Variants in TMEM17 observed in about 807,000 individuals in gnomAD.
TMEM17 encodes transmembrane protein 17.
Under a neutral mutation model 19.1 loss-of-function variants are expected in TMEM17, and 15 were observed. The ratio of observed to expected loss-of-function variants is 0.78; its 90% CI spans 0.52 to 1.21. TMEM17 has a LOEUF of 1.21. TMEM17 is among the 50% of genes most tolerant of loss of function. The pLI is 0.00. For missense variants in TMEM17, 245 were observed against 242.3 expected, an observed-to-expected ratio of 1.01 and a Z score of -0.07; for synonymous variants, 103 against 86.9, an observed-to-expected ratio of 1.19 and a Z score of -1.03.
the TMEM17 span, among the ~76,000 whole-genome samples, chr2:62,480,252 T>C: frequency 6.6e-6 from 1 of 152,170 alleles, no homozygotes; most frequent in Non-Finnish European, 1.5e-5. Context: ...TGCCCATTTT[T>C]TAATGAAAAA....
chr2:62,497,315 C>T (rs143213951), downstream of TMEM17, among the ~76,000 whole-genome samples: 54 of 152,276 alleles, frequency 3.5e-4, no homozygotes, highest in East Asian at 5.2e-3. Context: ...ACTGTTTAAA[C>T]GGTTCAGGGA....
the TMEM17 span, among the ~76,000 whole-genome samples, chr2:62,464,816 T>C: frequency 3.3e-5 from 5 of 151,648 alleles, no homozygotes; most frequent in African/African-American, 4.9e-5. Context: ...TCATAGGGAG[T>C]TGAAGCTATC....
chr2:62,454,576 G>A, the TMEM17 span, among the ~76,000 whole-genome samples: 1 of 152,154 alleles, frequency 6.6e-6, no homozygotes, highest in Non-Finnish European at 1.5e-5. Context: ...TCATACTGTA[G>A]GTTTTGAAAT....
In TMEM17 at chr2:62,502,768, G is replaced by C. The variant is rs778009254; in HGVS notation, c.127C>G (p.Leu43Val). ...GTATTAAAATAAAGTGACATCTGCA[G>C]TGCCAAACTGGAGACCATTTCATTT... ...PENEMVSSLA[L>V]QMSLYFNTYY... The change falls in exon 2 of 4, where the codon CTG becomes GTG. Residue 43 changes from leucine to valine, a missense_variant. Physicochemically the swap from Leu to Val is conservative, Grantham distance 32 (BLOSUM62 1). Coordinates refer to ENST00000335390, the MANE Select transcript of TMEM17 (RefSeq NM_198276.3). 2 of 1,607,190 alleles carry C rather than the reference G, an allele frequency of 1.2e-6. No homozygotes were observed. The highest frequency in any genetic ancestry group is 1.7e-6 in the Non-Finnish European group (2 of 1,177,988).
the TMEM17 span, among the ~76,000 whole-genome samples, chr2:62,466,737 G>C: frequency 6.6e-6 from 1 of 152,146 alleles, no homozygotes. Context: ...CGCTGACCCC[G>C]CCCATCATCT....
At chr2:62,477,710 G>C in the TMEM17 span, among the ~76,000 whole-genome samples, 1 of 152,224 alleles carries the variant, frequency 6.6e-6, no homozygotes, top group East Asian at 1.9e-4. Flanking sequence ...AGAGGTATCT[G>C]ATCTATTATC....
chr2:62,453,878 C>T, the TMEM17 span, among the ~76,000 whole-genome samples: 5 of 152,216 alleles, frequency 3.3e-5, no homozygotes, highest in Non-Finnish European at 7.3e-5. Flanking sequence ...AGATACTTGC[C>T]TGTGCTTGCA....
the TMEM17 span, among the ~76,000 whole-genome samples, chr2:62,473,556 G>T: frequency 1.3e-5 from 2 of 152,158 alleles, no homozygotes; most frequent in South Asian, 4.1e-4. Flanking sequence ...CCCACTCCCT[G>T]CTTCAGCTGC....
the TMEM17 span, among the ~76,000 whole-genome samples, chr2:62,458,998 C>T: frequency 4.6e-5 from 7 of 152,202 alleles, no homozygotes; most frequent in East Asian, 3.8e-4. Context: ...CATTTGTGTA[C>T]GACTTCATAT....
At chr2:62,456,728 A>G in the TMEM17 span, among the ~76,000 whole-genome samples, 2 of 152,206 alleles carry the variant, frequency 1.3e-5, no homozygotes, top group Non-Finnish European at 2.9e-5. Flanking sequence ...CATCAGGCTG[A>G]AGGAAGTCTT....
At chr2:62,465,079 TC>T in the TMEM17 span, among the ~76,000 whole-genome samples, 325 of 152,264 alleles carry the variant, frequency 2.1e-3, 2 homozygotes, top group Non-Finnish European at 3.6e-3. Context: ...GGCAGTCTAG[TC>T]CCCAGGCAGG....
chr2:62,494,942 G>C, the TMEM17 span, among the ~76,000 whole-genome samples: 1 of 152,304 alleles, frequency 6.6e-6, no homozygotes, highest in Non-Finnish European at 1.5e-5. Flanking sequence ...GTGAACCTAG[G>C]GGGCAGAGCT....
At chr2:62,483,599 ATT>A in the TMEM17 span, among the ~76,000 whole-genome samples, 43,340 of 134,080 alleles carry the variant, frequency 0.32, 6,428 homozygotes, top group South Asian at 0.46. Context: ...CCCAGGATAC[ATT>A]TTTTTTTTTT....
the TMEM17 span, among the ~76,000 whole-genome samples, chr2:62,456,008 T>C: frequency 6.6e-6 from 1 of 152,236 alleles, no homozygotes; most frequent in Non-Finnish European, 1.5e-5. Context: ...ATATCTTTGA[T>C]AAAATGTCTA....
At chr2:62,459,376 C>T in the TMEM17 span, among the ~76,000 whole-genome samples, 7 of 152,256 alleles carry the variant, frequency 4.6e-5, no homozygotes, top group African/African-American at 1.7e-4. Flanking sequence ...CAGCATGGTT[C>T]AAGGAATAGT....
chr2:62,490,253 A>G, the TMEM17 span, among the ~76,000 whole-genome samples: 2 of 149,530 alleles, frequency 1.3e-5, no homozygotes, highest in African/African-American at 5.1e-5. Context: ...TTAAAGTCTG[A>G]TGCATGTGTG....
chr2:62,454,152 A>G, the TMEM17 span, among the ~76,000 whole-genome samples: 2 of 152,220 alleles, frequency 1.3e-5, no homozygotes, highest in South Asian at 2.1e-4. Flanking sequence ...CTCCTGGCCC[A>G]GCTCCCACAT....
At chr2:62,478,756 A>G in the TMEM17 span, among the ~76,000 whole-genome samples, 1 of 150,338 alleles carries the variant, frequency 6.7e-6, no homozygotes, top group African/African-American at 2.4e-5. Flanking sequence ...AGCTTTCTTT[A>G]TTTAAAAAAA....
At chr2:62,505,844 C>A (rs1050991346) in intron 1 of TMEM17, among the ~76,000 whole-genome samples, 186 bp downstream of exon 1, 2 of 151,752 alleles carry the variant, frequency 1.3e-5, no homozygotes, top group Non-Finnish European at 2.9e-5. Context: ...CGGCCGGGGG[C>A]GGGAGGCCGC....
Sources: gnomAD v4.1 joint callset for allele counts (sites outside exome capture counted in the v4.1 genomes callset) on GRCh38, gnomAD v4.1.1 for gene constraint, MANE v1.5 for transcripts, NCBI Gene and HGNC (gene_info 2026-07-23, HGNC 2026-07-21) for gene names.